The following LARGE1 variants were observed in gnomAD, a reference collection of about 807,000 sequenced individuals.
LARGE1 encodes the protein xylosyl- and glucuronyltransferase LARGE1.
Under a neutral mutation model 87.6 loss-of-function variants are expected in LARGE1, and 43 were observed. The observed-to-expected ratio is 0.49, with a 90% CI of 0.38 to 0.63. The LOEUF is 0.63. Ranked by LOEUF, LARGE1 falls within the 30% of genes least tolerant of loss-of-function variation. LARGE1 has a pLI of 0.00. For missense variants in LARGE1, 802 were observed against 1,000.2 expected (o/e 0.80, Z 2.67); for synonymous variants, 434 against 394.6 (o/e 1.10, Z -1.18).
chr22:33,833,214 G>A (rs1370568430), intron 1 of LARGE1, among the ~76,000 whole-genome samples: 3 of 152,210 alleles, frequency 2.0e-5, no homozygotes, highest in East Asian at 3.9e-4. Context: ...TCTGAATGGC[G>A]GATTACCAAT....
chr22:33,831,079 G>T (rs1882415368), intron 1 of LARGE1, among the ~76,000 whole-genome samples: 1 of 151,200 alleles, frequency 6.6e-6, no homozygotes, highest in Non-Finnish European at 1.5e-5. Context: ...CATATTAGCA[G>T]ATATTATTTT....
At chr22:33,895,062 C>T (rs975734589) in intron 1 of LARGE1, among the ~76,000 whole-genome samples, 1 of 151,776 alleles carries the variant, frequency 6.6e-6, no homozygotes, top group Non-Finnish European at 1.5e-5. Context: ...ATTGGAGAGG[C>T]AAGTGGGGGT....
chr22:33,491,501 T>C (rs1176901068), intron 6 of LARGE1, among the ~76,000 whole-genome samples: 2 of 152,158 alleles, frequency 1.3e-5, no homozygotes, highest in Non-Finnish European at 2.9e-5. Flanking sequence ...TAAAAGACAA[T>C]GCTCGACGCT....
chr22:33,270,127 C>A (rs1265824638), downstream of LARGE1, among the ~76,000 whole-genome samples: 1 of 152,096 alleles, frequency 6.6e-6, no homozygotes. Context: ...TTGGATATCA[C>A]CAGTTATTTC....
intron 5 of LARGE1, among the ~76,000 whole-genome samples, chr22:33,570,517 G>A (rs760776369): frequency 2.6e-5 from 4 of 151,882 alleles, no homozygotes; most frequent in Admixed American, 1.3e-4. Flanking sequence ...GCATGGTGAC[G>A]TGCTCCTGCA....
the LARGE1 span, among the ~76,000 whole-genome samples, chr22:33,127,300 G>T: frequency 1.3e-5 from 2 of 151,282 alleles, no homozygotes; most frequent in Non-Finnish European, 2.9e-5. Context: ...TAAGAAAAAC[G>T]TTCCCTTCTC....
intron 6 of LARGE1, among the ~76,000 whole-genome samples, chr22:33,556,294 G>A (rs2077674278): frequency 6.6e-6 from 1 of 151,892 alleles, no homozygotes; most frequent in Admixed American, 6.6e-5. Flanking sequence ...AGTGATTTCA[G>A]GCAACAGACT....
intron 12 of LARGE1, 104 bp downstream of exon 12, chr22:33,304,125 G>T (rs1016012261): frequency 2.2e-6 from 3 of 1,340,922 alleles, no homozygotes; most frequent in Admixed American, 3.8e-5. Context: ...ATCTGGAAAA[G>T]AAACCTGTTG....
chr22:33,832,049 A>G (rs2062987988), intron 1 of LARGE1, among the ~76,000 whole-genome samples: 1 of 152,168 alleles, frequency 6.6e-6, no homozygotes, highest in African/African-American at 2.4e-5. Flanking sequence ...ACACCAACTC[A>G]GCTTTCAAGA....
chr22:33,208,024 A>G (rs1195933424), intron 11 of LARGE1, among the ~76,000 whole-genome samples: 1 of 152,158 alleles, frequency 6.6e-6, no homozygotes, highest in Non-Finnish European at 1.5e-5. Flanking sequence ...CCATAGGACT[A>G]GCTTTACCTC....
At chr22:33,528,801 G>A (rs28650128) in intron 6 of LARGE1, among the ~76,000 whole-genome samples, 5,272 of 152,224 alleles carry the variant, frequency 0.035, 241 homozygotes, top group African/African-American at 0.11. Flanking sequence ...AGTTGTCAAG[G>A]TTACTCTGGG....
At chr22:33,921,266 C>T (rs1344118037), upstream of LARGE1, among the ~76,000 whole-genome samples, 1 of 152,162 alleles carries the variant, frequency 6.6e-6, no homozygotes, top group Non-Finnish European at 1.5e-5. The surrounding 1 kb of genome is among the most constrained non-coding windows in gnomAD (Gnocchi z 4.1). Flanking sequence ...GAGCCGGGAT[C>T]CCGGGCCGGG....
chr22:33,773,945 T>C (rs190384537), intron 1 of LARGE1, among the ~76,000 whole-genome samples: 2 of 152,318 alleles, frequency 1.3e-5, no homozygotes, highest in Non-Finnish European at 2.9e-5. Flanking sequence ...CTACTGTTTG[T>C]TTGCTTTGAT....
chr22:33,570,051 T>C (rs980786278), intron 5 of LARGE1, among the ~76,000 whole-genome samples: 5 of 152,210 alleles, frequency 3.3e-5, no homozygotes, highest in Non-Finnish European at 4.4e-5. Flanking sequence ...TGTTGAGCCC[T>C]GAAGCCTGGG....
intron 4 of LARGE1, among the ~76,000 whole-genome samples, chr22:33,620,625 C>A (rs1407307849): frequency 6.6e-6 from 1 of 152,070 alleles, no homozygotes; most frequent in Admixed American, 6.6e-5. Flanking sequence ...ACACTGAAAA[C>A]AAAAACAAGA....
chr22:33,330,125 T>C (rs1431854790), intron 10 of LARGE1, among the ~76,000 whole-genome samples: 1 of 152,146 alleles, frequency 6.6e-6, no homozygotes, highest in Non-Finnish European at 1.5e-5. Context: ...CATCTGGAGC[T>C]TTCCAATAGC....
intron 11 of LARGE1, among the ~76,000 whole-genome samples, chr22:33,174,867 A>C (rs1176236152): frequency 6.6e-6 from 1 of 151,538 alleles, no homozygotes; most frequent in Non-Finnish European, 1.5e-5. Context: ...ACCAACCAAA[A>C]AATGTCCGGA....
At chr22:33,301,888 G>GA (rs907862424) in intron 12 of LARGE1, among the ~76,000 whole-genome samples, 67 of 150,768 alleles carry the variant, frequency 4.4e-4, no homozygotes, top group African/African-American at 1.0e-3. Flanking sequence ...GAAAGACAAA[G>GA]AAAAAAAAAC....
chr22:33,660,364 C>G (rs186328118), intron 2 of LARGE1, among the ~76,000 whole-genome samples: 28 of 152,184 alleles, frequency 1.8e-4, no homozygotes, highest in African/African-American at 2.2e-4. Context: ...TCTTAGATCA[C>G]CAGGTGGTTT....
Sources: gnomAD v4.1 joint callset for allele counts (sites outside exome capture counted in the v4.1 genomes callset) on GRCh38, gnomAD v4.1.1 for gene constraint, Gnocchi (gnomAD v3.1) non-coding constraint, MANE v1.5 for transcripts, NCBI Gene and HGNC (gene_info 2026-07-23, HGNC 2026-07-21) for gene names.